Variants in ATXN7L1 observed in about 807,000 individuals in gnomAD.
The protein encoded by ATXN7L1 is ataxin 7 like 1, also known as ataxin-7-like protein 1.
ATXN7L1 carries 15 observed loss-of-function variants against 70.8 expected under a neutral mutation model. The observed-to-expected ratio is 0.21, with a 90% CI of 0.14 to 0.33. The LOEUF is 0.33. Ranked by LOEUF, ATXN7L1 falls within the 10% of genes least tolerant of loss-of-function variation. ATXN7L1 has a pLI of 1.00. For missense variants in ATXN7L1, 975 were observed against 1,097.1 expected, an observed-to-expected ratio of 0.89 and a Z score of 1.57; for synonymous variants, 440 against 445.1, an observed-to-expected ratio of 0.99 and a Z score of 0.14.
chr7:105,660,685 C>T (rs1036358941), intron 4 of ATXN7L1, among the ~76,000 whole-genome samples: 8 of 145,856 alleles, frequency 5.5e-5, no homozygotes, highest in African/African-American at 7.7e-5. Context: ...AGGGTTCAAG[C>T]GATTCTCCTG....
chr7:105,852,967 C>T (rs760060090), intron 2 of ATXN7L1, among the ~76,000 whole-genome samples: 1 of 152,054 alleles, frequency 6.6e-6, no homozygotes, highest in Admixed American at 6.5e-5. Context: ...ACACACACTG[C>T]ATGAATCCCC....
intron 3 of ATXN7L1, among the ~76,000 whole-genome samples, chr7:105,679,473 C>T (rs1805243591): frequency 6.6e-6 from 1 of 152,118 alleles, no homozygotes. Flanking sequence ...AGGGTCTGAC[C>T]ATCTTGATAG....
intron 9 of ATXN7L1, among the ~76,000 whole-genome samples, chr7:105,615,822 G>C (rs2115749543): frequency 6.6e-6 from 1 of 152,240 alleles, no homozygotes. Context: ...GGGTACCTCA[G>C]AGCAAACTCC....
chr7:105,666,484 C>T (rs985728733), intron 3 of ATXN7L1, among the ~76,000 whole-genome samples: 1 of 152,206 alleles, frequency 6.6e-6, no homozygotes. Flanking sequence ...GTTGCTTTTG[C>T]AGGCACCCTG....
At chr7:105,706,520 C>A (rs903759240) in intron 3 of ATXN7L1, among the ~76,000 whole-genome samples, 6 of 152,090 alleles carry the variant, frequency 3.9e-5, no homozygotes, top group African/African-American at 1.2e-4. Context: ...GAGTGTTCTG[C>A]TCCTTTGCCT....
intron 3 of ATXN7L1, among the ~76,000 whole-genome samples, chr7:105,733,650 C>T (rs1796945429): frequency 1.4e-5 from 2 of 142,008 alleles, no homozygotes; most frequent in Non-Finnish European, 3.1e-5. Context: ...ATCCATCCAT[C>T]CATCCATCCA....
chr7:105,722,534 CTGGGCAACAG>C (rs1474246473), intron 3 of ATXN7L1, among the ~76,000 whole-genome samples: 1 of 129,060 alleles, frequency 7.7e-6, no homozygotes, highest in Admixed American at 9.4e-5. Flanking sequence ...GTACTCCAGC[CTGGGCAACAG>C]AGTGAGACTC....
At chr7:105,748,153 T>C (rs1469482965) in intron 3 of ATXN7L1, among the ~76,000 whole-genome samples, 1 of 151,300 alleles carries the variant, frequency 6.6e-6, no homozygotes, top group East Asian at 1.9e-4. Flanking sequence ...CTGTTGATGA[T>C]TGTTGTGGTG....
intron 2 of ATXN7L1, among the ~76,000 whole-genome samples, chr7:105,850,130 G>A (rs886796): frequency 0.091 from 13,831 of 152,250 alleles, 856 homozygotes; most frequent in Middle Eastern, 0.17. Context: ...TGGCATCTTA[G>A]AGTTGATGAA....
intron 3 of ATXN7L1, among the ~76,000 whole-genome samples, chr7:105,714,853 G>T (rs67478261): frequency 0.059 from 8,902 of 152,114 alleles, 312 homozygotes; most frequent in Admixed American, 0.072. Context: ...AGTAGAGACG[G>T]GGGTTTCCAC....
chr7:105,716,579 C>T (rs1160569764), intron 3 of ATXN7L1, among the ~76,000 whole-genome samples: 1 of 151,874 alleles, frequency 6.6e-6, no homozygotes, highest in Non-Finnish European at 1.5e-5. Context: ...CTCATAATCC[C>T]AGCACTTTGG....
chr7:105,605,476 G>GGGA lies in ATXN7L1; in HGVS notation c.*2375_*2376insTCC, dbSNP rs1491407735. On this transcript the variant is annotated 3_prime_UTR_variant, in exon 12 of 12. Coordinates refer to ENST00000419735, the MANE Select transcript of ATXN7L1 (RefSeq NM_020725.2). ...AAAGTAAGCAGCATTCGATGAGGGT[G>GGGA]GGGGGGGGGGTGGGGGCTCTTTATT... is the stretch of plus-strand genomic sequence containing the variant. 1.9e-4 allele frequency: 1 copy of GGGA among 5,232 alleles called. No individual in the cohort carries two copies. The highest frequency in any genetic ancestry group is 2.2e-3 in the Admixed American group (1 of 450). The allele number at this position is 5,232 out of a possible 1,614,324, so 0.3% of individuals were successfully genotyped here. A position where few individuals can be genotyped will look rare whatever the true frequency, so the allele number is the denominator to read the frequency against.
intron 2 of ATXN7L1, among the ~76,000 whole-genome samples, chr7:105,861,593 G>A (rs565230432): frequency 9.9e-5 from 15 of 152,104 alleles, no homozygotes; most frequent in East Asian, 5.8e-4. Flanking sequence ...TGTCTGGTGC[G>A]GCACCCGGGG....
chr7:105,706,170 GTTGTTTTTGTTTT>G lies in ATXN7L1; in HGVS notation c.356-40895_356-40883del, dbSNP rs1012340348. Among the ~76,000 whole-genome samples, 14 of 152,036 alleles carry G rather than the reference GTTGTTTTTGTTTT, an allele frequency of 9.2e-5. No homozygotes were observed. The East Asian group carries it at 9.7e-4, about 11-fold the overall frequency. ...ATTTTTTAACTTTAAGAGCATCATAGTTGTTTTTGTTTTTTGTTTTTGTTTTTGTCTTTTTTTT... is the reference window on the plus strand; with the variant it reads ...ATTTTTTAACTTTAAGAGCATCATAGTTGTTTTTGTTTTTGTCTTTTTTTT... On this transcript the variant is annotated intron_variant, in intron 3 of 11. Coordinates refer to ENST00000419735, the MANE Select transcript of ATXN7L1 (RefSeq NM_020725.2).
intron 2 of ATXN7L1, among the ~76,000 whole-genome samples, chr7:105,806,671 C>T (rs2116529345): frequency 6.6e-6 from 1 of 152,006 alleles, no homozygotes; most frequent in Non-Finnish European, 1.5e-5. Flanking sequence ...TGGGGAACAC[C>T]AATAAATAAC....
intron 3 of ATXN7L1, among the ~76,000 whole-genome samples, chr7:105,666,671 T>A (rs1308687283): frequency 6.6e-6 from 1 of 152,212 alleles, no homozygotes; most frequent in East Asian, 1.9e-4. Context: ...AATTGCTGGG[T>A]TTCTTTGCTT....
At chr7:105,709,483 C>T (rs1381638352) in intron 3 of ATXN7L1, among the ~76,000 whole-genome samples, 1 of 152,146 alleles carries the variant, frequency 6.6e-6, no homozygotes, top group Non-Finnish European at 1.5e-5. Flanking sequence ...TGCAGACCAA[C>T]CAACCCGAAG....
intron 2 of ATXN7L1, among the ~76,000 whole-genome samples, chr7:105,825,361 A>G (rs537119538): frequency 6.6e-6 from 1 of 152,168 alleles, no homozygotes. Context: ...CCAGCAGCAC[A>G]GTAGGCTGAG....
chr7:105,813,817 CT>C (rs1257212205), intron 2 of ATXN7L1, among the ~76,000 whole-genome samples: 1 of 152,004 alleles, frequency 6.6e-6, no homozygotes, highest in East Asian at 1.9e-4. Flanking sequence ...CTCTCTCTCT[CT>C]TTTTTTCCCC....
Sources: allele counts gnomAD v4.1 joint callset (sites outside exome capture counted in the v4.1 genomes callset), GRCh38; gene constraint gnomAD v4.1.1; transcripts MANE v1.5; gene names NCBI Gene and HGNC (gene_info 2026-07-23, HGNC 2026-07-21).